MYPN: variants seen among roughly 807,000 people sequenced by gnomAD.
The protein encoded by MYPN is myopalladin.
MYPN carries 63 observed loss-of-function variants against 129.4 expected under a neutral mutation model. The observed-to-expected ratio is 0.49, with a 90% CI of 0.40 to 0.60. The LOEUF (loss-of-function observed/expected upper bound fraction) is 0.60. Among genes scored for constraint, MYPN ranks in the 20% least tolerant of loss-of-function variants. MYPN has a pLI of 0.00. For missense variants in MYPN, 1,596 were observed against 1,635.4 expected, an observed-to-expected ratio of 0.98 and a Z score of 0.42; for synonymous variants, 629 against 600.9, an observed-to-expected ratio of 1.05 and a Z score of -0.68.
intron 4 of MYPN, among the ~76,000 whole-genome samples, chr10:68,146,654 G>A (rs982655147): frequency 4.6e-5 from 7 of 152,152 alleles, no homozygotes; most frequent in Non-Finnish European, 4.4e-5. Context: ...CATTCCACTA[G>A]GTTCCTCTGT....
chr10:68,105,544 A>G (rs957997230), upstream of MYPN, among the ~76,000 whole-genome samples: 5 of 152,178 alleles, frequency 3.3e-5, no homozygotes, highest in African/African-American at 4.8e-5. Flanking sequence ...AAAAGTTCTG[A>G]ATAGATTTTC....
chr10:68,099,670 A>G (rs1280777174), intron 1 of MYPN, among the ~76,000 whole-genome samples: 1 of 152,076 alleles, frequency 6.6e-6, no homozygotes, highest in Admixed American at 6.5e-5. Context: ...TAATTTGCAG[A>G]TAGAGATGCA....
At chr10:68,088,374 TG>T (rs1236361373) in intron 1 of MYPN, among the ~76,000 whole-genome samples, 1 of 152,176 alleles carries the variant, frequency 6.6e-6, no homozygotes, top group East Asian at 1.9e-4. Context: ...TAGGACTCAG[TG>T]GGCAACAGTC....
At chr10:68,103,939 A>G (rs1021254312), upstream of MYPN, among the ~76,000 whole-genome samples, 1 of 152,202 alleles carries the variant, frequency 6.6e-6, no homozygotes, top group Non-Finnish European at 1.5e-5. Context: ...AACAAGAGTG[A>G]AACTCTGTCT....
intron 2 of MYPN, among the ~76,000 whole-genome samples, chr10:68,136,904 A>T (rs1260449091): frequency 1.3e-5 from 2 of 151,992 alleles, no homozygotes; most frequent in African/African-American, 4.8e-5. Flanking sequence ...TCTTTTTTGC[A>T]ATTTTCTGTT....
At chr10:68,208,032 C>T (rs1183487095) in intron 19 of MYPN, among the ~76,000 whole-genome samples, 1 of 152,180 alleles carries the variant, frequency 6.6e-6, no homozygotes, top group African/African-American at 2.4e-5. Context: ...CTTTGAACCA[C>T]ATTTCCAATT....
chr10:68,099,238 C>G (rs970718496), intron 1 of MYPN, among the ~76,000 whole-genome samples: 2 of 152,110 alleles, frequency 1.3e-5, no homozygotes, highest in Non-Finnish European at 2.9e-5. Flanking sequence ...ACTTGAAAAT[C>G]TGAGTTTTAC....
At chr10:68,134,397 A>T (rs2042454234) in intron 2 of MYPN, among the ~76,000 whole-genome samples, 1 of 152,190 alleles carries the variant, frequency 6.6e-6, no homozygotes, top group Non-Finnish European at 1.5e-5. Flanking sequence ...AGACAATAAA[A>T]ACTTTCTAGT....
chr10:68,127,914 G>A (rs902251410), intron 2 of MYPN, among the ~76,000 whole-genome samples: 3 of 152,142 alleles, frequency 2.0e-5, no homozygotes, highest in African/African-American at 7.2e-5. Flanking sequence ...AGCATACTGG[G>A]CAACTGAAGC....
chr10:68,145,576 T>C (rs762568872), intron 4 of MYPN, 50 bp downstream of exon 4: 9 of 1,470,494 alleles, frequency 6.1e-6, no homozygotes, highest in Non-Finnish European at 8.5e-6. Context: ...GATCAATTAA[T>C]AGCTCAAAGA....
upstream of MYPN, chr10:68,106,659 A>G (rs932697033): frequency 1.4e-6 from 1 of 711,288 alleles, no homozygotes. Context: ...ACTGGAGCCT[A>G]TAGCGATATA....
intron 12 of MYPN, among the ~76,000 whole-genome samples, chr10:68,178,103 G>A (rs2043256513): frequency 6.6e-6 from 1 of 152,152 alleles, no homozygotes; most frequent in Admixed American, 6.5e-5. Flanking sequence ...TGTTGTGATA[G>A]TTCAGTCTTT....
chr10:68,146,923 T>A (rs1236835801), intron 4 of MYPN, among the ~76,000 whole-genome samples: 1 of 152,190 alleles, frequency 6.6e-6, no homozygotes, highest in Non-Finnish European at 1.5e-5. Flanking sequence ...AGAAAACAGA[T>A]GCTTTGGATA....
chr10:68,177,648 C>A (rs1037978734), intron 12 of MYPN, among the ~76,000 whole-genome samples: 1 of 152,150 alleles, frequency 6.6e-6, no homozygotes, highest in Non-Finnish European at 1.5e-5. Flanking sequence ...AGAAGAAAGT[C>A]AGCTTAGGAA....
chr10:68,167,042 A>T (rs1339989232), intron 10 of MYPN, among the ~76,000 whole-genome samples: 2 of 152,196 alleles, frequency 1.3e-5, no homozygotes. Context: ...TGTCCAGGAA[A>T]AAAAAAGATG....
intron 1 of MYPN, among the ~76,000 whole-genome samples, chr10:68,118,001 T>C (rs1377971562): frequency 6.6e-6 from 1 of 152,106 alleles, no homozygotes; most frequent in Non-Finnish European, 1.5e-5. Flanking sequence ...AACCCAGTTC[T>C]ATCTAATGCC....
intron 12 of MYPN, among the ~76,000 whole-genome samples, chr10:68,179,134 A>G (rs1461327025): frequency 6.6e-6 from 1 of 152,048 alleles, no homozygotes; most frequent in African/African-American, 2.4e-5. Context: ...TCTTCTATTT[A>G]AGTCTTTCCT....
In MYPN at chr10:68,199,418, T is replaced by C. The variant is rs1367183738; in HGVS notation, c.3336T>C (p.Pro1112=). The C allele has an allele frequency of 6.2e-6, 10 of 1,614,178 alleles. No individual in the cohort carries two copies. The highest frequency in any genetic ancestry group is 8.5e-6 in the Non-Finnish European group (10 of 1,180,028). Residue 1112 remains proline, a synonymous_variant, in exon 17 of 20, where the codon CCT becomes CCC. Transcript: ENST00000358913. ...TGACATGGCTACTCAATGGCCAACC[T>C]GTGCTACCAGATGCCTCCCACAAGA... is the stretch of plus-strand genomic sequence containing the variant. ...PELTWLLNGQ[P]VLPDASHKML... is the part of the protein sequence containing the mutation.
chr10:68,196,284 C>T (rs763308681), intron 15 of MYPN, among the ~76,000 whole-genome samples: 1 of 152,166 alleles, frequency 6.6e-6, no homozygotes. Context: ...AACTGGTTTT[C>T]TTCCTCTCTG....
Sources: gnomAD v4.1 joint callset for allele counts (sites outside exome capture counted in the v4.1 genomes callset) on GRCh38, gnomAD v4.1.1 for gene constraint, MANE v1.5 for transcripts, NCBI Gene and HGNC (gene_info 2026-07-23, HGNC 2026-07-21) for gene names.